DGKB: variants seen among roughly 807,000 people sequenced by gnomAD.
The protein encoded by DGKB is 90 kDa diacylglycerol kinase.
In DGKB, 67 loss-of-function variants were observed where a neutral mutation model predicts 114.3. That is an observed-to-expected ratio of 0.59 (90% CI 0.48 to 0.72). The LOEUF is 0.72. Among genes scored for constraint, DGKB ranks in the 30% least tolerant of loss-of-function variants. The pLI, the probability that DGKB is intolerant of heterozygous loss-of-function variation, is 0.00. For missense variants in DGKB, 907 were observed against 975.2 expected, an observed-to-expected ratio of 0.93 and a Z score of 0.93; for synonymous variants, 398 against 323.1, an observed-to-expected ratio of 1.23 and a Z score of -2.49.
At chr7:14,517,572 G>A (rs1789034007) in intron 20 of DGKB, among the ~76,000 whole-genome samples, 1 of 151,964 alleles carries the variant, frequency 6.6e-6, no homozygotes, top group South Asian at 2.1e-4. Flanking sequence ...TCTGAAAAAA[G>A]TCTAATTTCC....
At chr7:14,368,571 C>CTGTGTG (rs1313900555) in intron 21 of DGKB, among the ~76,000 whole-genome samples, 2 of 103,730 alleles carry the variant, frequency 1.9e-5, no homozygotes, top group South Asian at 3.3e-4. Context: ...ACGGTATTTT[C>CTGTGTG]TCTGTGTGTG....
chr7:14,837,554 AT>A (rs200397367), intron 2 of DGKB, among the ~76,000 whole-genome samples: 1 of 152,138 alleles, frequency 6.6e-6, no homozygotes, highest in African/African-American at 2.4e-5. Context: ...CAATAACTTG[AT>A]TTTTTATACT....
At chr7:14,274,965 GTGTGTGTGTT>G (rs1173220547) in intron 23 of DGKB, among the ~76,000 whole-genome samples, 1 of 147,964 alleles carries the variant, frequency 6.8e-6, no homozygotes, top group Non-Finnish European at 1.5e-5. Flanking sequence ...GTGTGTGTGT[GTGTGTGTGTT>G]TGTGTGTGCG....
At chr7:14,335,444 A>G (rs1367750763) in intron 23 of DGKB, among the ~76,000 whole-genome samples, 1 of 152,186 alleles carries the variant, frequency 6.6e-6, no homozygotes, top group African/African-American at 2.4e-5. Context: ...ATCTATTTCA[A>G]CAGTGTAAAA....
At chr7:14,684,902 G>T (rs906566781) in intron 10 of DGKB, among the ~76,000 whole-genome samples, 1 of 151,978 alleles carries the variant, frequency 6.6e-6, no homozygotes, top group Non-Finnish European at 1.5e-5. Flanking sequence ...ATGTGGGGAG[G>T]GGGGGATGAA....
chr7:14,554,118 C>T lies in DGKB; in HGVS notation c.1770+20094G>A, dbSNP rs188921257. On this transcript the variant is annotated intron_variant, in intron 20 of 25. Coordinates refer to ENST00000402815, the MANE Select transcript of DGKB (RefSeq NM_001350709.2). Reference sequence around the variant, plus strand: ...CGATCTCCTGACCTCGTGATCTGCCCACCTCGGCCTCCCAAAGTGCTGGGA... The same window carrying T: ...CGATCTCCTGACCTCGTGATCTGCCTACCTCGGCCTCCCAAAGTGCTGGGA... Among the ~76,000 whole-genome samples the T allele has an allele frequency of 6.4e-4, 97 of 152,024 alleles. No homozygotes were observed. In the East Asian group the frequency reaches 0.017, roughly 26 times the overall value.
chr7:14,161,684 GA>G (rs1281479945), intron 25 of DGKB, among the ~76,000 whole-genome samples: 1 of 151,886 alleles, frequency 6.6e-6, no homozygotes, highest in Admixed American at 6.6e-5. Flanking sequence ...GGGGCAAGGG[GA>G]GGGATAGCAT....
intron 23 of DGKB, among the ~76,000 whole-genome samples, chr7:14,334,362 A>ATGTGTGTGTG (rs750329719): frequency 2.4e-4 from 35 of 144,826 alleles, no homozygotes; most frequent in African/African-American, 8.7e-4. Context: ...GTATATACAT[A>ATGTGTGTGTG]TGTGTGTGTG....
chr7:14,779,428 G>A lies in DGKB; in HGVS notation c.71-21697C>T, dbSNP rs775656301. On this transcript the variant is annotated intron_variant, in intron 2 of 25. Coordinates refer to ENST00000402815, the MANE Select transcript of DGKB (RefSeq NM_001350709.2). ...GGCACATGCCTATAGTCCCAACTAC[G>A]CAGGAGGTTGAGGCTGAGGATGGCT... 5.2e-4 allele frequency among the ~76,000 whole-genome samples: 79 copies of A among 151,986 alleles called. 1 individual carries two copies. The highest frequency in any genetic ancestry group is 2.1e-4 in the Non-Finnish European group (14 of 67,962).
intron 2 of DGKB, among the ~76,000 whole-genome samples, chr7:14,801,713 AC>A: frequency 6.6e-6 from 1 of 151,890 alleles, no homozygotes; most frequent in Non-Finnish European, 1.5e-5. Context: ...TAATTACACC[AC>A]CATCTTTCCT....
chr7:14,203,954 A>T (rs10259246), intron 23 of DGKB, among the ~76,000 whole-genome samples: 19,038 of 151,848 alleles, frequency 0.13, 1,300 homozygotes, highest in Admixed American at 0.2. Flanking sequence ...AAACTACTCA[A>T]ATCTCATCCC....
Position 14,195,005 on chromosome 7 carries a change from G to A in DGKB, c.2123-16854C>T, listed in dbSNP as rs11977313. ...CAACCAAATAAATAAGTATTTCACC[G>A]ACAAAACCCATAGAGAAAGAGTTTA... On this transcript the variant is annotated intron_variant, in intron 23 of 25. Coordinates refer to ENST00000402815, the MANE Select transcript of DGKB (RefSeq NM_001350709.2). 3.7e-3 allele frequency among the ~76,000 whole-genome samples: 557 copies of A among 152,170 alleles called. 1 individual carries two copies. The highest frequency in any genetic ancestry group is 0.013 in the African/African-American group (531 of 41,534).
At chr7:14,547,812 A>T (rs997555395) in intron 20 of DGKB, among the ~76,000 whole-genome samples, 2 of 152,104 alleles carry the variant, frequency 1.3e-5, no homozygotes, top group East Asian at 3.9e-4. Flanking sequence ...CTAGAAATTA[A>T]ATGACTGAAA....
Position 14,399,619 on chromosome 7 carries a change from T to A in DGKB, c.1836-54228A>T, listed in dbSNP as rs142831634. 1.2e-3 allele frequency among the ~76,000 whole-genome samples: 184 copies of A among 151,964 alleles called. 1 individual carries two copies. Among genetic ancestry groups the A allele is most frequent in the African/African-American group, 4.1e-3 (169 of 41,496 alleles). Reference sequence around the variant, plus strand: ...ATAGTGACTGTCCTATATATTTACTTGTATAAAAAAGCAAGTTTTGATTTT... The same window carrying A: ...ATAGTGACTGTCCTATATATTTACTAGTATAAAAAAGCAAGTTTTGATTTT... On this transcript the variant is annotated intron_variant, in intron 21 of 25. Transcript: ENST00000402815.
intron 23 of DGKB, among the ~76,000 whole-genome samples, chr7:14,260,427 T>A (rs6971533): frequency 0.54 from 81,375 of 152,056 alleles, 23,724 homozygotes; most frequent in Non-Finnish European, 0.66. Flanking sequence ...TGTGTTAGCA[T>A]GTTTGAAATC....
At chr7:14,426,035 T>C (rs1043064444) in intron 21 of DGKB, among the ~76,000 whole-genome samples, 4 of 152,168 alleles carry the variant, frequency 2.6e-5, no homozygotes, top group African/African-American at 9.7e-5. Flanking sequence ...AACTCCTGTA[T>C]TTTTTGAATC....
intron 5 of DGKB, among the ~76,000 whole-genome samples, chr7:14,724,099 A>G (rs1829668071): frequency 6.6e-6 from 1 of 152,206 alleles, no homozygotes; most frequent in Non-Finnish European, 1.5e-5. Flanking sequence ...AACATGGATC[A>G]CATTTCTAAA....
At chr7:14,400,309 T>G (rs1822903416) in intron 21 of DGKB, among the ~76,000 whole-genome samples, 1 of 151,874 alleles carries the variant, frequency 6.6e-6, no homozygotes, top group African/African-American at 2.4e-5. Context: ...CAGTGATTCC[T>G]CAGAGAAATC....
intron 15 of DGKB, 158 bp downstream of exon 15, chr7:14,621,220 G>A: frequency 1.8e-6 from 1 of 562,578 alleles, no homozygotes; most frequent in East Asian, 3.2e-5. Context: ...TCAACCGTAA[G>A]ACTGACATCT....
Sources: gnomAD v4.1 joint callset for allele counts (sites outside exome capture counted in the v4.1 genomes callset) on GRCh38, gnomAD v4.1.1 for gene constraint, MANE v1.5 for transcripts, NCBI Gene and HGNC (gene_info 2026-07-23, HGNC 2026-07-21) for gene names.